NAV3: variants seen among roughly 807,000 people sequenced by gnomAD.
NAV3 encodes pore membrane and/or filament interacting like protein 1.
In NAV3, 87 loss-of-function variants were observed where a neutral mutation model predicts 244.7. The ratio of observed to expected loss-of-function variants is 0.36; its 90% CI spans 0.30 to 0.42. The LOEUF is 0.42. Ranked by LOEUF, NAV3 falls within the 20% of genes least tolerant of loss-of-function variation. The pLI, the probability that NAV3 is intolerant of heterozygous loss-of-function variation, is 1.00. For missense variants in NAV3, 2,663 were observed against 2,893.3 expected (o/e 0.92, Z 1.83); for synonymous variants, 1,126 against 1,042.2 (o/e 1.08, Z -1.55).
At chr12:78,170,042 T>A (rs1190651053) in intron 24 of NAV3, among the ~76,000 whole-genome samples, 2 of 151,712 alleles carry the variant, frequency 1.3e-5, no homozygotes, top group African/African-American at 4.8e-5. Context: ...TAGAAAATCA[T>A]CTCATACTCT....
At chr12:77,683,240 A>G (rs1433845792) in intron 2 of NAV3, among the ~76,000 whole-genome samples, 2 of 152,132 alleles carry the variant, frequency 1.3e-5, no homozygotes, top group Non-Finnish European at 2.9e-5. Flanking sequence ...GTGGTTTTCT[A>G]GTTTTCCAAG....
chr12:77,874,923 GA>G (rs1207671996), intron 1 of NAV3, among the ~76,000 whole-genome samples: 1 of 151,976 alleles, frequency 6.6e-6, no homozygotes, highest in Non-Finnish European at 1.5e-5. Flanking sequence ...AACGTGTACA[GA>G]AGTATACATT....
chr12:77,861,562 A>C (rs917114424), intron 1 of NAV3, among the ~76,000 whole-genome samples: 4 of 151,876 alleles, frequency 2.6e-5, no homozygotes, highest in Admixed American at 6.6e-5. Context: ...TAACAAATGA[A>C]ATATGACCTC....
At chr12:77,678,284 T>C (rs1467185915) in intron 2 of NAV3, among the ~76,000 whole-genome samples, 1 of 152,168 alleles carries the variant, frequency 6.6e-6, no homozygotes, top group Non-Finnish European at 1.5e-5. Context: ...CAGAATATTT[T>C]ACCTATTCAG....
chr12:78,070,055 CT>C (rs992150780), intron 12 of NAV3, among the ~76,000 whole-genome samples: 33 of 152,040 alleles, frequency 2.2e-4, no homozygotes, highest in Non-Finnish European at 3.5e-4. Context: ...GAGTTCCTTA[CT>C]TTTTACAGAA....
intron 12 of NAV3, among the ~76,000 whole-genome samples, chr12:78,072,108 A>G (rs1247339721): frequency 6.6e-6 from 1 of 151,888 alleles, no homozygotes; most frequent in Non-Finnish European, 1.5e-5. Flanking sequence ...TGACACCCTA[A>G]CATCACAATT....
intron 2 of NAV3, among the ~76,000 whole-genome samples, chr12:77,598,524 A>T (rs757636206): frequency 6.6e-6 from 1 of 151,960 alleles, no homozygotes; most frequent in Non-Finnish European, 1.5e-5. Flanking sequence ...GTCCTTCAGA[A>T]ATCCTGTAAC....
chr12:77,901,046 T>C (rs985860524), intron 1 of NAV3, among the ~76,000 whole-genome samples: 1 of 152,218 alleles, frequency 6.6e-6, no homozygotes, highest in Middle Eastern at 3.2e-3. Context: ...AAGTATCTGT[T>C]CATGTCCTTT....
chr12:78,175,612 T>C (rs1338919077), intron 25 of NAV3, among the ~76,000 whole-genome samples, 185 bp downstream of exon 25: 2 of 152,036 alleles, frequency 1.3e-5, no homozygotes, highest in Admixed American at 1.3e-4. Context: ...CATTTTAATG[T>C]TGGGACTAAA....
intron 12 of NAV3, among the ~76,000 whole-genome samples, chr12:78,102,420 G>GTA (rs950978282): frequency 1.3e-5 from 2 of 152,202 alleles, no homozygotes; most frequent in African/African-American, 4.8e-5. Flanking sequence ...GCTTTGCAGG[G>GTA]TATAGCACCC....
chr12:77,714,833 G>A (rs1876288779), intron 2 of NAV3, among the ~76,000 whole-genome samples: 1 of 151,850 alleles, frequency 6.6e-6, no homozygotes, highest in African/African-American at 2.4e-5. Flanking sequence ...ATAGATTATA[G>A]AAAAAAGTAC....
At chr12:78,116,682 T>A (rs1955395481) in intron 12 of NAV3, 90 bp from the exon 13 acceptor site, 12 of 1,294,188 alleles carry the variant, frequency 9.3e-6, no homozygotes, top group African/African-American at 1.5e-5. Flanking sequence ...AATGTCTTAA[T>A]AATAAATTGT....
intron 2 of NAV3, among the ~76,000 whole-genome samples, chr12:77,627,353 AAGATGAAATTGATAAACTACT>A (rs1264093602): frequency 8.5e-5 from 13 of 152,192 alleles, no homozygotes; most frequent in Admixed American, 7.2e-4. Context: ...ACTTTTTATA[AAGATGAAATTGATAAACTACT>A]AGCTAGACTA....
At chr12:77,724,994 A>T (rs116322070) in intron 2 of NAV3, among the ~76,000 whole-genome samples, 1,954 of 152,130 alleles carry the variant, frequency 0.013, 58 homozygotes, top group African/African-American at 0.044. Context: ...TAATCTTGTC[A>T]GTAAATTCAC....
intron 1 of NAV3, among the ~76,000 whole-genome samples, chr12:77,904,642 A>AT (rs1322156712): frequency 4.6e-5 from 7 of 151,942 alleles, no homozygotes; most frequent in African/African-American, 7.2e-5. Flanking sequence ...TTAAAGTATA[A>AT]TTTTTTAAAA....
intron 2 of NAV3, among the ~76,000 whole-genome samples, chr12:77,776,049 CA>C (rs1253893812): frequency 6.6e-6 from 1 of 152,154 alleles, no homozygotes; most frequent in East Asian, 1.9e-4. Flanking sequence ...TCCCTCAGGC[CA>C]AGAATTGTTA....
chr12:77,596,140 C>T (rs1352949302), intron 2 of NAV3, among the ~76,000 whole-genome samples: 1 of 152,120 alleles, frequency 6.6e-6, no homozygotes, highest in Non-Finnish European at 1.5e-5. Flanking sequence ...CATATCACAG[C>T]TCTGGTACTT....
At chr12:77,984,544 A>G (rs1298408677) in intron 5 of NAV3, among the ~76,000 whole-genome samples, 8 of 151,184 alleles carry the variant, frequency 5.3e-5, no homozygotes, top group African/African-American at 1.7e-4. Flanking sequence ...GTGATCTGCA[A>G]TTTGGTCCTC....
intron 2 of NAV3, among the ~76,000 whole-genome samples, chr12:77,572,688 A>T (rs56262690): frequency 6.6e-6 from 1 of 152,176 alleles, no homozygotes; most frequent in Non-Finnish European, 1.5e-5. Flanking sequence ...CTCTAATTTC[A>T]TATCCTTGGG....
Sources: allele counts gnomAD v4.1 joint callset (sites outside exome capture counted in the v4.1 genomes callset), GRCh38; gene constraint gnomAD v4.1.1; transcripts MANE v1.5; gene names NCBI Gene and HGNC (gene_info 2026-07-23, HGNC 2026-07-21).